MOV10: variants seen among roughly 807,000 people sequenced by gnomAD.
The protein encoded by MOV10 is Mov10 RNA helicase.
MOV10 carries 39 observed loss-of-function variants against 108.4 expected under a neutral mutation model. That is an observed-to-expected ratio of 0.36 (90% CI 0.28 to 0.47). The LOEUF (loss-of-function observed/expected upper bound fraction) is 0.47. MOV10 is among the 20% of genes least tolerant of loss of function. MOV10 has a pLI of 1.00. For missense variants in MOV10, 952 were observed against 1,297.6 expected (o/e 0.73, Z 4.09); for synonymous variants, 490 against 523.1 (o/e 0.94, Z 0.86).
chr1:112,689,777 G>A (rs1673413663), intron 4 of MOV10, 63 bp from the exon 5 acceptor site: 23 of 1,590,898 alleles, frequency 1.4e-5, no homozygotes, highest in African/African-American at 4.0e-5. Flanking sequence ...CTGGGGGAGT[G>A]TCCGGGATAA....
At chr1:112,696,575 G>A in intron 13 of MOV10, 41 bp downstream of exon 13, 1 of 1,611,478 alleles carries the variant, frequency 6.2e-7, no homozygotes, top group Non-Finnish European at 8.5e-7. Flanking sequence ...CACCCTGTGT[G>A]GGTCAGAGAG....
rs975516402 is a variant in MOV10, at chr1:112,692,908, C to T, written c.1119C>T (p.Asn373=). ...VPMTWDPVDQ[N]PRLLTLEVPG... ...TGACCTGGGACCCTGTGGACCAGAA[C>T]CCCAGGCTGCTCACGCTGGAGGTCA... Residue 373 remains asparagine (N), a synonymous_variant, in exon 7 of 21, where the codon AAC becomes AAT. Transcript: ENST00000369645. 3 of 1,611,836 alleles carry T rather than the reference C, an allele frequency of 1.9e-6. No individual in the cohort carries two copies. The highest frequency in any genetic ancestry group is 1.1e-5 in the South Asian group (1 of 90,608).
chr1:112,695,246 T>C (rs1673964141), intron 10 of MOV10, among the ~76,000 whole-genome samples, 170 bp from the exon 11 acceptor site: 1 of 151,766 alleles, frequency 6.6e-6, no homozygotes, highest in Non-Finnish European at 1.5e-5. Context: ...ATTGGGGAAG[T>C]GGGAAGTTAG....
chr1:112,689,724 C>T, intron 4 of MOV10, 74 bp downstream of exon 4: 3 of 1,582,532 alleles, frequency 1.9e-6, no homozygotes, highest in South Asian at 1.1e-5. Flanking sequence ...TTGGGAAACA[C>T]ACTGTCACTG....
chr1:112,674,851 C>T lies in MOV10; in HGVS notation c.-62C>T. 1 of 1,495,988 alleles carries T rather than the reference C, an allele frequency of 6.7e-7. No homozygotes were observed. Among genetic ancestry groups the T allele is most frequent in the South Asian group, 1.3e-5 (1 of 77,014 alleles). 92.7% of individuals were successfully genotyped at this position (1,495,988 alleles called of 1,614,324 possible). ...TCTCAGGGCCGCCAACTTCCAGCTG[C>T]AGCGGCGACTTTCAGTTTCATTTCC... On this transcript the variant is annotated 5_prime_UTR_variant, in exon 2 of 21. Transcript: ENST00000369645.
At position 112,696,174 on chromosome 1, in the gene MOV10, G is replaced by T; in HGVS notation, c.1806G>T (p.Lys602Asn). 1 of 1,613,784 alleles carries T rather than the reference G, an allele frequency of 6.2e-7. No homozygotes were observed. Among genetic ancestry groups the T allele is most frequent in the Non-Finnish European group, 8.5e-7 (1 of 1,179,862 alleles). Residue 602 changes from lysine (K) to asparagine (N), a missense_variant, in exon 12 of 21, where the codon AAG becomes AAT. Transcript: ENST00000369645. ...IKPCCNWDAK[K>N]GEYVFPAKKK... ...CCTGCTGCAACTGGGACGCAAAGAA[G>T]GGGGAGTATGTATTTCCCGCCAAGA... is the stretch of plus-strand genomic sequence containing the variant.
intron 5 of MOV10, among the ~76,000 whole-genome samples, chr1:112,690,708 T>G (rs1365542765): frequency 6.6e-6 from 1 of 152,196 alleles, no homozygotes; most frequent in African/African-American, 2.4e-5. Flanking sequence ...TCACATACCA[T>G]ATGATTCACC....
At chr1:112,697,272 C>G (rs2101417873) in intron 14 of MOV10, among the ~76,000 whole-genome samples, 1 of 152,224 alleles carries the variant, frequency 6.6e-6, no homozygotes, top group East Asian at 1.9e-4. Context: ...GAGTTTGAGA[C>G]CAGCCTGTCC....
At chr1:112,687,607 A>G (rs911907161) in intron 2 of MOV10, among the ~76,000 whole-genome samples, 3 of 152,154 alleles carry the variant, frequency 2.0e-5, no homozygotes, top group African/African-American at 7.2e-5. Flanking sequence ...AAAACTGTCC[A>G]TGATCTGGTC....
At chr1:112,688,679 C>T (rs1015559781) in intron 2 of MOV10, 3 of 1,377,320 alleles carry the variant, frequency 2.2e-6, no homozygotes, top group East Asian at 5.4e-5. Flanking sequence ...CTTTTCCCCT[C>T]AGAAACGAAC....
Position 112,697,981 on chromosome 1 carries a change from T to G in MOV10, c.2199-13T>G, listed in dbSNP as rs533216232. The G allele has an allele frequency of 6.2e-7, 1 of 1,610,284 alleles. No individual in the cohort carries two copies. The highest frequency in any genetic ancestry group is 2.2e-5 in the East Asian group (1 of 44,860). On this transcript the variant is annotated splice_polypyrimidine_tract_variant and intron_variant, in intron 14 of 20. Coordinates refer to ENST00000369645, the MANE Select transcript of MOV10 (RefSeq NM_001321324.2). ...TGACCCTTGGTCTTGCTTTTCCTCC[T>G]CCGGCCTCCCAGGTCTCATCCCACC... is the stretch of plus-strand genomic sequence containing the variant.
chr1:112,675,402 C>T lies in MOV10; in HGVS notation c.137+353C>T, dbSNP rs938574859. The stretch of plus-strand genomic sequence containing the variant: ...CAGCGCTCGCGGTGGGGGAGGGGAG[C>T]CTCCAGAGGGGGCCCAGGCATCGCG... On this transcript the variant is annotated intron_variant, in intron 2 of 20. Transcript: ENST00000369645. The surrounding 1 kb of genome is among the most constrained non-coding windows in gnomAD (Gnocchi z 4.7). Among the ~76,000 whole-genome samples, 2 of 152,168 alleles carry T rather than the reference C, an allele frequency of 1.3e-5. No individual in the cohort carries two copies. Among genetic ancestry groups the T allele is most frequent in the Admixed American group, 1.3e-4 (2 of 15,278 alleles).
rs763630700 is a variant in MOV10 at position 112,695,399 on chromosome 1, G to A, written c.1621-17G>A. The A allele has an allele frequency of 2.5e-5, 40 of 1,612,958 alleles. No homozygotes were observed. The highest frequency in any genetic ancestry group is 4.0e-5 in the African/African-American group (3 of 74,906). ...CTCAGGAACCTGCCTCCCACACTGC[G>A]CTTATCTGCATCTCAGGTGGTGAAG... On this transcript the variant is annotated splice_polypyrimidine_tract_variant and intron_variant, in intron 10 of 20. Coordinates refer to ENST00000369645, the MANE Select transcript of MOV10 (RefSeq NM_001321324.2).
chr1:112,691,788 C>T lies in MOV10; in HGVS notation c.960C>T (p.Ile320=), dbSNP rs372753999. Residue 320 remains isoleucine (I), a synonymous_variant, in exon 6 of 21, where the codon ATC becomes ATT. Transcript: ENST00000369645. ...GTSIFTAPKE[I]AEIKAQLETA... ...GTATCTTCACTGCCCCTAAGGAGAT[C>T]GCAGAGATCAAGTAAGTACCATCCC... 21 of 1,613,902 alleles carry T rather than the reference C, an allele frequency of 1.3e-5. No individual in the cohort carries two copies. Among genetic ancestry groups the T allele is most frequent in the Middle Eastern group, 1.6e-4 (1 of 6,062 alleles).
At chr1:112,697,902 T>C in intron 14 of MOV10, 92 bp from the exon 15 acceptor site, 1 of 1,015,992 alleles carries the variant, frequency 9.8e-7, no homozygotes. Flanking sequence ...TAGCAGGCTA[T>C]TGTGTGTGGG....
chr1:112,696,067 G>GA (rs1201713954), intron 11 of MOV10, 81 bp from the exon 12 acceptor site: 2 of 921,022 alleles, frequency 2.2e-6, no homozygotes, highest in Non-Finnish European at 1.7e-6. Flanking sequence ...ATAATTGTTT[G>GA]AGGGGGGGTA....
Position 112,698,794 on chromosome 1 carries a change from C to T in MOV10, c.2583+5C>T. 1 of 1,612,824 alleles carries T rather than the reference C, an allele frequency of 6.2e-7. No homozygotes were observed. The highest frequency in any genetic ancestry group is 1.1e-5 in the South Asian group (1 of 91,064). ...GATGACATCAAGGACTTGAAGGTGACATGCTGTTCCACAGTCACTCCCTGC... is the reference window on the plus strand; with the variant it reads ...GATGACATCAAGGACTTGAAGGTGATATGCTGTTCCACAGTCACTCCCTGC... On this transcript the variant is annotated splice_donor_5th_base_variant and intron_variant, in intron 17 of 20. Transcript: ENST00000369645.
At chr1:112,688,750 C>G in intron 2 of MOV10, 185 bp from the exon 3 acceptor site, 1 of 1,440,162 alleles carries the variant, frequency 6.9e-7, no homozygotes, top group Non-Finnish European at 9.1e-7. Flanking sequence ...ATTGCCTTCC[C>G]TGAAAACATT....
At position 112,700,645 on chromosome 1, in the gene MOV10, C is replaced by G. The variant is rs372938255; in HGVS notation, c.*138C>G. ...TTTACAACCCAAGCCATTCCACCCC[C>G]TCCCCTGCTGGGGAGAATGACACAT... On this transcript the variant is annotated 3_prime_UTR_variant, in exon 21 of 21. Coordinates refer to ENST00000369645, the MANE Select transcript of MOV10 (RefSeq NM_001321324.2). The G allele has an allele frequency of 1.0e-5, 16 of 1,541,512 alleles. No individual in the cohort carries two copies. The African/African-American group carries it at 1.4e-4, about 13-fold the overall frequency.
Sources: gnomAD v4.1 joint callset for allele counts (sites outside exome capture counted in the v4.1 genomes callset) on GRCh38, gnomAD v4.1.1 for gene constraint, Gnocchi (gnomAD v3.1) non-coding constraint, MANE v1.5 for transcripts, NCBI Gene and HGNC (gene_info 2026-07-23, HGNC 2026-07-21) for gene names.